Variants in SGCZ observed in about 807,000 individuals in gnomAD.
The protein encoded by SGCZ is sarcoglycan zeta, also known as zeta-sarcoglycan.
SGCZ carries 40 observed loss-of-function variants against 41.3 expected under a neutral mutation model. That is an observed-to-expected ratio of 0.97 (90% confidence interval 0.75 to 1.26). SGCZ has a LOEUF of 1.26. Among genes scored for constraint, SGCZ ranks in the 50% most tolerant of loss-of-function variants. SGCZ has a pLI of 0.00. For missense variants in SGCZ, 552 were observed against 369.8 expected, an observed-to-expected ratio of 1.49 and a Z score of -4.04; for synonymous variants, 206 against 137.5, an observed-to-expected ratio of 1.50 and a Z score of -3.49.
intron 4 of SGCZ, among the ~76,000 whole-genome samples, chr8:14,190,898 G>A (rs577110727): frequency 3.9e-5 from 6 of 152,180 alleles, no homozygotes; most frequent in African/African-American, 7.2e-5. Context: ...CACCACACCC[G>A]GCTAATTTAT....
At chr8:14,482,687 G>T (rs776506853) in intron 2 of SGCZ, among the ~76,000 whole-genome samples, 7 of 152,016 alleles carry the variant, frequency 4.6e-5, no homozygotes, top group Non-Finnish European at 1.0e-4. Flanking sequence ...TAAAGCAGAT[G>T]GCCCTCCCCA....
At chr8:14,797,206 C>T (rs1426188159) in intron 1 of SGCZ, among the ~76,000 whole-genome samples, 2 of 151,900 alleles carry the variant, frequency 1.3e-5, no homozygotes, top group Non-Finnish European at 2.9e-5. Context: ...GTGGGAAAGT[C>T]TGGGACTTCC....
intron 1 of SGCZ, among the ~76,000 whole-genome samples, chr8:15,237,255 C>CG (rs201777517): frequency 6.6e-6 from 1 of 152,056 alleles, no homozygotes; most frequent in Non-Finnish European, 1.5e-5. Context: ...TGCCGCTGCC[C>CG]CCCCCGGGGA....
At chr8:14,284,469 A>T (rs1000090328) in intron 3 of SGCZ, among the ~76,000 whole-genome samples, 16 of 152,194 alleles carry the variant, frequency 1.1e-4, no homozygotes, top group African/African-American at 3.6e-4. Context: ...GTGCACATAT[A>T]TCTAGTTTAT....
chr8:15,137,206 C>A lies in SGCZ; in HGVS notation c.39+100379G>T, dbSNP rs1181944622. 2.0e-5 allele frequency among the ~76,000 whole-genome samples: 3 copies of A among 152,042 alleles called. No individual in the cohort carries two copies. In the East Asian group the frequency reaches 5.8e-4, roughly 29 times the overall value. The stretch of plus-strand genomic sequence containing the variant: ...GAGACTGGTGGCATTATGCCCCTGC[C>A]CTAGATATCTATAAACTTTGAACTT... On this transcript the variant is annotated intron_variant, in intron 1 of 7. Coordinates refer to ENST00000382080, the MANE Select transcript of SGCZ (RefSeq NM_139167.4).
In SGCZ at chr8:14,318,186, G is replaced by A. The variant is rs1216590796; in HGVS notation, c.336+5917C>T. ...AAGAAAGAAAGAAAGAAAGAAACAA[G>A]GAAGAGGAAAGGCGGGAAAGGGGGG... On this transcript the variant is annotated intron_variant, in intron 3 of 7. Transcript: ENST00000382080. 7.9e-5 allele frequency among the ~76,000 whole-genome samples: 12 copies of A among 151,386 alleles called. No individual in the cohort carries two copies. In the East Asian group the frequency reaches 2.1e-3, roughly 27 times the overall value.
At chr8:15,032,348 A>G (rs554021626) in intron 1 of SGCZ, among the ~76,000 whole-genome samples, 1 of 152,294 alleles carries the variant, frequency 6.6e-6, no homozygotes, top group Admixed American at 6.5e-5. Context: ...GTTTTACATG[A>G]CGCACATCAG....
chr8:14,885,562 C>A (rs559543607), intron 1 of SGCZ, among the ~76,000 whole-genome samples: 8 of 152,150 alleles, frequency 5.3e-5, no homozygotes, highest in Non-Finnish European at 1.2e-4. Flanking sequence ...CTTTCACAGC[C>A]GGCATTATGA....
At chr8:15,047,377 A>T (rs531849201) in intron 1 of SGCZ, among the ~76,000 whole-genome samples, 2 of 152,142 alleles carry the variant, frequency 1.3e-5, no homozygotes, top group Admixed American at 1.3e-4. Flanking sequence ...GAGGGAAATC[A>T]CTTTTCTGAA....
chr8:15,000,580 G>C (rs923450288), intron 1 of SGCZ, among the ~76,000 whole-genome samples: 4 of 152,164 alleles, frequency 2.6e-5, no homozygotes, highest in Non-Finnish European at 4.4e-5. Context: ...ACATGTTCAA[G>C]ATGGCGGCTC....
At chr8:14,956,599 A>G (rs1016827653) in intron 1 of SGCZ, among the ~76,000 whole-genome samples, 5 of 152,166 alleles carry the variant, frequency 3.3e-5, no homozygotes, top group African/African-American at 7.2e-5. Context: ...AAGTAACACA[A>G]TAACAAAATC....
chr8:15,183,801 T>G (rs1476879690), intron 1 of SGCZ, among the ~76,000 whole-genome samples: 1 of 152,212 alleles, frequency 6.6e-6, no homozygotes, highest in African/African-American at 2.4e-5. Flanking sequence ...ATTATGGTAA[T>G]GCTTAGTTAC....
intron 1 of SGCZ, among the ~76,000 whole-genome samples, chr8:14,723,136 A>G (rs1167821913): frequency 3.3e-5 from 5 of 152,212 alleles, no homozygotes; most frequent in African/African-American, 2.4e-5. Context: ...ATGGCCGACC[A>G]GACGCACCAG....
intron 1 of SGCZ, among the ~76,000 whole-genome samples, chr8:14,642,228 T>C (rs898361322): frequency 1.3e-5 from 2 of 151,656 alleles, no homozygotes; most frequent in African/African-American, 4.8e-5. Flanking sequence ...GAGAATCAGA[T>C]GGGACAAAAT....
intron 1 of SGCZ, among the ~76,000 whole-genome samples, chr8:14,601,964 C>CA (rs1419194476): frequency 6.6e-6 from 1 of 151,792 alleles, no homozygotes; most frequent in Non-Finnish European, 1.5e-5. Context: ...ACTGAAAACA[C>CA]AAAAAATTAG....
In SGCZ at chr8:14,632,881, A is replaced by C. The variant is rs555762683; in HGVS notation, c.40-77955T>G. Among the ~76,000 whole-genome samples, 26 of 152,208 alleles carry C rather than the reference A, an allele frequency of 1.7e-4. No homozygotes were observed. In the South Asian group the frequency reaches 5.2e-3, roughly 30 times the overall value. ...GGATAAAGGTAAATAAAATACATCA[A>C]TAAAGTTATTTAAACTATGTAAAAA... On this transcript the variant is annotated intron_variant, in intron 1 of 7. Coordinates refer to ENST00000382080, the MANE Select transcript of SGCZ (RefSeq NM_139167.4).
intron 2 of SGCZ, among the ~76,000 whole-genome samples, chr8:14,409,295 G>T (rs1308234790): frequency 3.3e-5 from 5 of 152,036 alleles, no homozygotes; most frequent in Non-Finnish European, 5.9e-5. Context: ...ATTTTCACAT[G>T]TATGTATAGG....
At position 14,554,752 on chromosome 8, in the gene SGCZ, T is replaced by A. The variant is rs879211149; in HGVS notation, c.214A>T (p.Lys72Ter). 1 of 1,612,600 alleles carries A rather than the reference T, an allele frequency of 6.2e-7. No individual in the cohort carries two copies. Among genetic ancestry groups the A allele is most frequent in the African/African-American group, 1.3e-5 (1 of 74,816 alleles). The change falls in exon 2 of 8, where the codon AAA becomes TAA. Residue 72 changes from lysine to a stop codon, truncating the protein, a stop_gained. Transcript: ENST00000382080. LOFTEE classifies it high-confidence loss of function. ...VNLAMTIWIL[K>*]VMNFTVDGMG... is the part of the protein sequence containing the mutation. Reference sequence around the variant, plus strand: ...CTTACCACAGTGAAATTCATAACTTTCAATATCCATATTGTCATGGCTAAG... The same window carrying A: ...CTTACCACAGTGAAATTCATAACTTACAATATCCATATTGTCATGGCTAAG...
chr8:14,719,573 G>A (rs1340778592), intron 1 of SGCZ, among the ~76,000 whole-genome samples: 1 of 152,022 alleles, frequency 6.6e-6, no homozygotes, highest in Admixed American at 6.6e-5. Context: ...GTATCTCATT[G>A]TGGTTTTGAT....
Sources: allele counts gnomAD v4.1 joint callset (sites outside exome capture counted in the v4.1 genomes callset), GRCh38; gene constraint gnomAD v4.1.1; transcripts MANE v1.5; gene names NCBI Gene and HGNC (gene_info 2026-07-23, HGNC 2026-07-21).